STAT5B: variants seen among roughly 807,000 people sequenced by gnomAD.
STAT5B encodes signal transducer and activator of transcription 5B, also known as transcription factor STAT5B.
In STAT5B, 21 loss-of-function variants were observed where a neutral mutation model predicts 107.8. The observed-to-expected ratio is 0.19, with a 90% CI of 0.14 to 0.28. STAT5B has a LOEUF of 0.28. Ranked by LOEUF, STAT5B falls within the 10% of genes least tolerant of loss-of-function variation. STAT5B has a pLI of 1.00. For synonymous variants in STAT5B, 325 were observed against 401.7 expected, an observed-to-expected ratio of 0.81 and a Z score of 2.28; for missense variants, 565 against 1,008.2, an observed-to-expected ratio of 0.56 and a Z score of 5.95.
At chr17:42,254,962 G>T (rs2080530259) in intron 1 of STAT5B, among the ~76,000 whole-genome samples, 1 of 152,088 alleles carries the variant, frequency 6.6e-6, no homozygotes. Context: ...GTGGTGGCAT[G>T]CGCCTGTAGT....
At chr17:42,249,228 C>A (rs2080477516) in intron 1 of STAT5B, among the ~76,000 whole-genome samples, 1 of 151,966 alleles carries the variant, frequency 6.6e-6, no homozygotes, top group South Asian at 2.1e-4. Context: ...CCCGTCTCTA[C>A]CAAAAATATA....
chr17:42,202,801 A>G lies in STAT5B; in HGVS notation c.2085T>C (p.Ala695=). The change falls in exon 17 of 19, where the codon GCT becomes GCC. Residue 695 remains alanine, a synonymous_variant. Coordinates refer to ENST00000293328, the MANE Select transcript of STAT5B (RefSeq NM_012448.4). The part of the protein sequence containing the change: ...PVPCESATAK[A]VDGYVKPQIK... ...TCTGTGGCTTCACGTATCCATCAAC[A>G]GCTTTAGCTGCCAAGGGAAGAATGT... is the stretch of plus-strand genomic sequence containing the variant. 1 of 1,614,244 alleles carries G rather than the reference A, an allele frequency of 6.2e-7. No homozygotes were observed. The highest frequency in any genetic ancestry group is 8.5e-7 in the Non-Finnish European group (1 of 1,180,048).
At chr17:42,239,889 G>T (rs967202784) in intron 1 of STAT5B, among the ~76,000 whole-genome samples, 1 of 152,228 alleles carries the variant, frequency 6.6e-6, no homozygotes, top group Non-Finnish European at 1.5e-5. Flanking sequence ...ACTTTGGGAC[G>T]CTGAGGCGGG....
At chr17:42,228,603 T>A (rs927700231) in intron 2 of STAT5B, among the ~76,000 whole-genome samples, 1 of 152,132 alleles carries the variant, frequency 6.6e-6, no homozygotes, top group African/African-American at 2.4e-5. Flanking sequence ...AGATAGCAAC[T>A]AATTTCAAAA....
At chr17:42,217,871 A>G (rs2080186375) in intron 9 of STAT5B, 1 of 472,612 alleles carries the variant, frequency 2.1e-6, no homozygotes, top group Non-Finnish European at 3.8e-6. Flanking sequence ...CGCCCGGCTA[A>G]TTTTTTGTAT....
rs755220447 is a variant in STAT5B, at chr17:42,262,942, ATGTGTGTG to A, written c.-11+13298_-11+13305del. 3.0e-3 allele frequency among the ~76,000 whole-genome samples: 138 copies of A among 45,422 alleles called. 5 individuals carry two copies. Among genetic ancestry groups the A allele is most frequent in the African/African-American group, 9.7e-3 (105 of 10,872 alleles). 29.8% of individuals were successfully genotyped at this position (45,422 alleles called of 152,430 possible). On this transcript the variant is annotated intron_variant, in intron 1 of 18. Transcript: ENST00000293328. The stretch of plus-strand genomic sequence containing the variant: ...TGTGTGTATATATATATGTATATAT[ATGTGTGTG>A]TGTGTGTGTGTGTGTGTGTGTATAT...
At chr17:42,221,908 T>G (rs2080229300) in intron 5 of STAT5B, among the ~76,000 whole-genome samples, 2 of 151,144 alleles carry the variant, frequency 1.3e-5, no homozygotes, top group Admixed American at 1.3e-4. Context: ...TGTGTGTGTG[T>G]GTGTGTGCTG....
At chr17:42,225,482 C>G (rs935712715) in intron 3 of STAT5B, among the ~76,000 whole-genome samples, 1 of 152,122 alleles carries the variant, frequency 6.6e-6, no homozygotes. Context: ...GGGACACTGC[C>G]CCCCTCTGGA....
rs780896511 is a variant in STAT5B, at chr17:42,224,817, A to G, written c.337T>C (p.Leu113=). 6 of 1,613,840 alleles carry G rather than the reference A, an allele frequency of 3.7e-6. No individual in the cohort carries two copies. The highest frequency in any genetic ancestry group is 5.1e-6 in the Non-Finnish European group (6 of 1,179,884). ...MELVRCIRHI[L]YNEQRLVREA... is the part of the protein sequence containing the mutation. ...CGGACCAACCTCTGTTCATTGTACA[A>G]TATATGGCGGATGCAGCGGACCAGC... is the stretch of plus-strand genomic sequence containing the variant. The change falls in exon 4 of 19, where the codon TTG becomes CTG. Residue 113 remains leucine (L), a synonymous_variant. Transcript: ENST00000293328.
In STAT5B at chr17:42,201,548, AC is replaced by A. The variant is rs1567652538; in HGVS notation, c.*189del. On this transcript the variant is annotated 3_prime_UTR_variant, in exon 19 of 19. Transcript: ENST00000293328. ...CGCACACACACACACACACACACAC[AC>A]ACACAAACACATACTCGCACTCCCT... The A allele has an allele frequency of 1.3e-4, 88 of 665,954 alleles. No individual in the cohort carries two copies. The African/African-American group carries it at 1.4e-3, about 10-fold the overall frequency. The allele number at this position is 665,954 out of a possible 1,614,324, so 41.3% of individuals were successfully genotyped here. A position where few individuals can be genotyped will look rare whatever the true frequency, so the allele number is the denominator to read the frequency against.
intron 1 of STAT5B, among the ~76,000 whole-genome samples, chr17:42,246,999 A>G (rs771955565): frequency 6.6e-6 from 1 of 152,186 alleles, no homozygotes; most frequent in African/African-American, 2.4e-5. Flanking sequence ...TGTTTTGTTG[A>G]TATCAATTTA....
intron 16 of STAT5B, among the ~76,000 whole-genome samples, chr17:42,205,859 T>C (rs895279218): frequency 6.6e-6 from 1 of 151,968 alleles, no homozygotes; most frequent in African/African-American, 2.4e-5. Context: ...CAGTGAGCAA[T>C]GTACTCCAGC....
chr17:42,261,358 A>G (rs1282345303), intron 1 of STAT5B, among the ~76,000 whole-genome samples: 3 of 152,196 alleles, frequency 2.0e-5, no homozygotes, highest in Non-Finnish European at 4.4e-5. Context: ...TATCTTTAAT[A>G]CAGAAAAACA....
At chr17:42,208,151 C>A (rs751346876) in intron 15 of STAT5B, among the ~76,000 whole-genome samples, 1 of 152,096 alleles carries the variant, frequency 6.6e-6, no homozygotes, top group Non-Finnish European at 1.5e-5. Context: ...CTCAGCCTCC[C>A]AAAGTGCTGG....
chr17:42,238,620 A>C (rs1297214879), intron 1 of STAT5B, among the ~76,000 whole-genome samples: 1 of 150,778 alleles, frequency 6.6e-6, no homozygotes, highest in Non-Finnish European at 1.5e-5. Context: ...CGCCTGGCTA[A>C]TTTTGTATTT....
intron 15 of STAT5B, among the ~76,000 whole-genome samples, chr17:42,209,468 G>A (rs962670586): frequency 2.6e-5 from 4 of 152,306 alleles, no homozygotes; most frequent in Middle Eastern, 3.4e-3. Context: ...GCTCAAGCCC[G>A]TAATCCCAAT....
At chr17:42,203,752 G>A (rs1444635650) in intron 16 of STAT5B, among the ~76,000 whole-genome samples, 2 of 151,916 alleles carry the variant, frequency 1.3e-5, no homozygotes, top group African/African-American at 4.8e-5. Flanking sequence ...TCAGCCTCCC[G>A]AGTAGCTGGG....
At chr17:42,256,861 C>CAAAAAAAAAA (rs781345676) in intron 1 of STAT5B, among the ~76,000 whole-genome samples, 3 of 44,812 alleles carry the variant, frequency 6.7e-5, no homozygotes, top group African/African-American at 2.8e-4. Context: ...GACTCTGTCT[C>CAAAAAAAAAA]AAAAAAAAAA....
At chr17:42,247,041 C>T (rs1472273768) in intron 1 of STAT5B, among the ~76,000 whole-genome samples, 1 of 152,190 alleles carries the variant, frequency 6.6e-6, no homozygotes, top group Non-Finnish European at 1.5e-5. Context: ...CTAAAACCAA[C>T]GCAGGGTTTG....
Sources: gnomAD v4.1 joint callset for allele counts (sites outside exome capture counted in the v4.1 genomes callset) on GRCh38, gnomAD v4.1.1 for gene constraint, MANE v1.5 for transcripts, NCBI Gene and HGNC (gene_info 2026-07-23, HGNC 2026-07-21) for gene names.